Variants in LNX1 observed in about 807,000 individuals in gnomAD.
The protein encoded by LNX1 is ligand of numb-protein X 1.
In LNX1, 54 loss-of-function variants were observed where a neutral mutation model predicts 68.4. The observed-to-expected ratio is 0.79, with a 90% CI of 0.63 to 0.99. The LOEUF is 0.99. Ranked by LOEUF, LNX1 falls within the 50% of genes least tolerant of loss-of-function variation. The pLI, the probability that LNX1 is intolerant of heterozygous loss-of-function variation, is 0.00. For missense variants in LNX1, 906 were observed against 926.4 expected, an observed-to-expected ratio of 0.98 and a Z score of 0.29; for synonymous variants, 336 against 350.0, an observed-to-expected ratio of 0.96 and a Z score of 0.45.
chr4:53,501,745 G>C (rs898394358), intron 4 of LNX1: 6 of 152,158 alleles, frequency 3.9e-5, no homozygotes, highest in Non-Finnish European at 7.3e-5. Context: ...AAGCAATGAG[G>C]CCCTCTGGCC....
chr4:53,610,530 A>C (rs1173774789), intron 2 of LNX1, among the ~76,000 whole-genome samples: 2 of 151,914 alleles, frequency 1.3e-5, no homozygotes, highest in Non-Finnish European at 2.9e-5. Flanking sequence ...ACACGGTGAA[A>C]CCCTGTCTCT....
intron 1 of LNX1, among the ~76,000 whole-genome samples, chr4:53,651,394 C>T (rs771897894): frequency 3.9e-5 from 6 of 152,136 alleles, no homozygotes; most frequent in African/African-American, 9.7e-5. Context: ...CATAGTTTAT[C>T]GACATTTGTT....
chr4:53,618,527 C>G (rs1261024177), upstream of LNX1, among the ~76,000 whole-genome samples: 7 of 152,276 alleles, frequency 4.6e-5, no homozygotes, highest in Middle Eastern at 3.4e-3. Context: ...GCTAATAGAA[C>G]AGAGCTAATC....
At chr4:53,567,800 A>G (rs1730808411) in intron 2 of LNX1, among the ~76,000 whole-genome samples, 2 of 152,190 alleles carry the variant, frequency 1.3e-5, no homozygotes, top group South Asian at 2.1e-4. Context: ...GCAATAAAAA[A>G]TGATAAAGGG....
rs34653341 is a variant in LNX1 at position 53,598,235 on chromosome 4, ATT to A, written c.-214-6722_-214-6721del. On this transcript the variant is annotated intron_variant, in intron 2 of 3. Transcript: ENST00000504299. The stretch of plus-strand genomic sequence containing the variant: ...TTCAGCAATTATTTTACTGACTGTG[ATT>A]TTTTTTTTTTTTTGAGACAGGGTCT... 1.2e-3 allele frequency among the ~76,000 whole-genome samples: 174 copies of A among 144,832 alleles called. 1 individual carries two copies. The highest frequency in any genetic ancestry group is 1.0e-2 in the South Asian group (45 of 4,502).
intron 4 of LNX1, among the ~76,000 whole-genome samples, chr4:53,506,683 C>T (rs1286211750): frequency 1.1e-4 from 16 of 151,560 alleles, no homozygotes; most frequent in African/African-American, 3.9e-4. Context: ...GGAGAAACCC[C>T]GTCTCTACTA....
At chr4:53,478,876 TA>T in intron 7 of LNX1, 134 bp from the exon 8 acceptor site, 1 of 804,814 alleles carries the variant, frequency 1.2e-6, no homozygotes. Context: ...GCAAAGTGCA[TA>T]AATACAATGG....
At chr4:53,468,259 G>C (rs544897889) in intron 9 of LNX1, among the ~76,000 whole-genome samples, 16 of 152,286 alleles carry the variant, frequency 1.1e-4, no homozygotes, top group East Asian at 7.7e-4. Flanking sequence ...ATAAGTGAAG[G>C]AGAAATAAAA....
At chr4:53,548,084 C>T (rs1729231843) in intron 2 of LNX1, among the ~76,000 whole-genome samples, 1 of 147,074 alleles carries the variant, frequency 6.8e-6, no homozygotes, top group Non-Finnish European at 1.5e-5. Context: ...GCTGGAAGGG[C>T]GTGGGGCCAC....
intron 2 of LNX1, among the ~76,000 whole-genome samples, chr4:53,567,221 C>T (rs1577725815): frequency 7.2e-6 from 1 of 139,820 alleles, no homozygotes; most frequent in Admixed American, 7.2e-5. Context: ...CACACCTATT[C>T]CAAAATTGAC....
intron 1 of LNX1, among the ~76,000 whole-genome samples, chr4:53,587,357 T>A (rs1162888706): frequency 6.6e-6 from 1 of 152,240 alleles, no homozygotes; most frequent in African/African-American, 2.4e-5. Context: ...TGGGGATAGT[T>A]AATGATTAAA....
chr4:53,602,164 T>C (rs1733044698), intron 2 of LNX1, among the ~76,000 whole-genome samples: 1 of 152,182 alleles, frequency 6.6e-6, no homozygotes, highest in Admixed American at 6.5e-5. Flanking sequence ...AAAATGAAGT[T>C]ACTCTCCGAA....
intron 2 of LNX1, among the ~76,000 whole-genome samples, chr4:53,568,431 T>C (rs1353951852): frequency 6.6e-6 from 1 of 152,114 alleles, no homozygotes; most frequent in Non-Finnish European, 1.5e-5. Flanking sequence ...AAAAGGCCTT[T>C]GATAAAATTC....
At chr4:53,575,697 A>C in intron 1 of LNX1, 1 of 1,394,478 alleles carries the variant, frequency 7.2e-7, no homozygotes, top group Non-Finnish European at 9.3e-7. Context: ...TGGCTAATCA[A>C]GGAGGAAGCA....
At chr4:53,470,663 GC>G (rs1265981531) in intron 9 of LNX1, among the ~76,000 whole-genome samples, 1 of 152,064 alleles carries the variant, frequency 6.6e-6, no homozygotes, top group African/African-American at 2.4e-5. Context: ...AAATCAACGT[GC>G]AAAAATCACA....
chr4:53,509,717 T>C (rs1309511356), intron 2 of LNX1, among the ~76,000 whole-genome samples: 1 of 152,198 alleles, frequency 6.6e-6, no homozygotes, highest in Non-Finnish European at 1.5e-5. Flanking sequence ...TATTTCCATA[T>C]TTTGTACATC....
chr4:53,603,348 T>C (rs1475579871), intron 2 of LNX1, among the ~76,000 whole-genome samples: 2 of 152,056 alleles, frequency 1.3e-5, no homozygotes, highest in Non-Finnish European at 2.9e-5. Flanking sequence ...AAAATCAATT[T>C]GGGAAGAGAA....
At chr4:53,641,423 A>G (rs757226242) in intron 1 of LNX1, among the ~76,000 whole-genome samples, 7 of 152,248 alleles carry the variant, frequency 4.6e-5, no homozygotes, top group Non-Finnish European at 8.8e-5. Flanking sequence ...CTCTAGTAAC[A>G]TTATCCAGGC....
At chr4:53,569,373 T>A (rs1398151617) in intron 2 of LNX1, among the ~76,000 whole-genome samples, 1 of 133,146 alleles carries the variant, frequency 7.5e-6, no homozygotes, top group Admixed American at 7.7e-5. Flanking sequence ...TCTACAACTA[T>A]CTGATCTTTG....
Sources: allele counts gnomAD v4.1 joint callset (sites outside exome capture counted in the v4.1 genomes callset), GRCh38; gene constraint gnomAD v4.1.1; transcripts MANE v1.5; gene names NCBI Gene and HGNC (gene_info 2026-07-23, HGNC 2026-07-21).